The following MPDZ variants were observed in gnomAD, a reference collection of about 807,000 sequenced individuals.
MPDZ encodes multiple PDZ domain crumbs cell polarity complex component.
Under a neutral mutation model 239.1 loss-of-function variants are expected in MPDZ, and 234 were observed. The ratio of observed to expected loss-of-function variants is 0.98; its 90% CI spans 0.88 to 1.09. The LOEUF (loss-of-function observed/expected upper bound fraction) is 1.09, where lower values mean the gene tolerates loss of function less well. Ranked by LOEUF, MPDZ falls within the 50% of genes least tolerant of loss-of-function variation. The probability of loss-of-function intolerance (pLI) is 0.00; values close to 1 mark genes in which losing one functional copy is unlikely to be tolerated. For missense variants in MPDZ, 3,175 were observed against 2,510.0 expected (o/e 1.26, Z -5.66); for synonymous variants, 1,048 against 881.3 (o/e 1.19, Z -3.35).
intron 29 of MPDZ, among the ~76,000 whole-genome samples, chr9:13,137,527 T>G (rs1311308889): frequency 6.6e-6 from 1 of 152,168 alleles, no homozygotes; most frequent in Non-Finnish European, 1.5e-5. Context: ...GAGTTACTGC[T>G]TGTTCTTTAG....
rs549083691 is a variant in MPDZ at position 13,228,930 on chromosome 9, C to A, written c.184-4347G>T. Among the ~76,000 whole-genome samples, 13 of 152,118 alleles carry A rather than the reference C, an allele frequency of 8.5e-5. No homozygotes were observed. In the South Asian group the frequency reaches 2.7e-3, roughly 32 times the overall value. On this transcript the variant is annotated intron_variant, in intron 3 of 46. Transcript: ENST00000319217. ...TGCACATTTAGCTGGTACAAGCTAG[C>A]GAAGGACACAAACTAGAGCATCTCT...
intron 39 of MPDZ, among the ~76,000 whole-genome samples, chr9:13,117,372 A>T (rs778626351): frequency 1.1e-4 from 16 of 152,196 alleles, no homozygotes; most frequent in Non-Finnish European, 1.6e-4. Context: ...TCTACCAAAA[A>T]TACAAAAAAT....
Position 13,251,770 on chromosome 9 carries a change from A to G in MPDZ, c.-57-1398T>C, listed in dbSNP as rs547921444. 2.9e-4 allele frequency among the ~76,000 whole-genome samples: 44 copies of G among 152,336 alleles called. 1 individual carries two copies. The South Asian group carries it at 6.6e-3, about 23-fold the overall frequency. ...TGATAAGAGAGAACAGTACGTATTG[A>G]TTTGCCTTATCCCAATGTAGAATAT... On this transcript the variant is annotated intron_variant, in intron 1 of 46. Coordinates refer to ENST00000319217, the MANE Select transcript of MPDZ (RefSeq NM_001378778.1).
intron 10 of MPDZ, among the ~76,000 whole-genome samples, chr9:13,212,210 G>C (rs757234442): frequency 7.2e-5 from 11 of 151,942 alleles, no homozygotes; most frequent in Non-Finnish European, 1.2e-4. Context: ...TGAACTTGAT[G>C]ACTTGGATTT....
intron 10 of MPDZ, among the ~76,000 whole-genome samples, chr9:13,206,703 C>A (rs1311659156): frequency 6.6e-6 from 1 of 152,090 alleles, no homozygotes; most frequent in Non-Finnish European, 1.5e-5. Context: ...GCCACCATGC[C>A]CAGCTAATTT....
intron 18 of MPDZ, among the ~76,000 whole-genome samples, chr9:13,184,283 T>C (rs189198670): frequency 6.6e-6 from 1 of 152,156 alleles, no homozygotes; most frequent in Admixed American, 6.6e-5. Flanking sequence ...ATTTAAATTA[T>C]GATGAGCTTG....
intron 8 of MPDZ, 38 bp downstream of exon 8, chr9:13,219,521 T>A: frequency 6.4e-7 from 1 of 1,568,862 alleles, no homozygotes; most frequent in Non-Finnish European, 8.7e-7. Context: ...TAAGTGTTAT[T>A]TCTCTGACTT....
intron 3 of MPDZ, among the ~76,000 whole-genome samples, chr9:13,236,961 T>G (rs1384588406): frequency 6.6e-6 from 1 of 152,080 alleles, no homozygotes; most frequent in Non-Finnish European, 1.5e-5. Context: ...CTTATTATTG[T>G]TACTGGGTGG....
chr9:13,124,973 G>C (rs1182404414), intron 35 of MPDZ, among the ~76,000 whole-genome samples: 6 of 152,118 alleles, frequency 3.9e-5, no homozygotes, highest in Admixed American at 3.9e-4. Context: ...CTGAGGCTTT[G>C]AGTGGGTAGG....
chr9:13,259,585 G>C (rs1970215064), intron 1 of MPDZ, among the ~76,000 whole-genome samples: 1 of 152,126 alleles, frequency 6.6e-6, no homozygotes, highest in Non-Finnish European at 1.5e-5. Context: ...TGAGAAGTCA[G>C]GGAAACTTCC....
chr9:13,249,545 C>G (rs1967341780), intron 2 of MPDZ, among the ~76,000 whole-genome samples: 1 of 152,160 alleles, frequency 6.6e-6, no homozygotes, highest in Admixed American at 6.5e-5. Flanking sequence ...CTGTCACTGA[C>G]TGTCACTCTA....
At chr9:13,132,248 C>T (rs995881278) in intron 32 of MPDZ, among the ~76,000 whole-genome samples, 2 of 152,166 alleles carry the variant, frequency 1.3e-5, no homozygotes, top group African/African-American at 4.8e-5. Context: ...TGCTCATTAG[C>T]TCATCCAATC....
At chr9:13,267,322 T>C (rs529377176) in intron 1 of MPDZ, among the ~76,000 whole-genome samples, 1 of 152,200 alleles carries the variant, frequency 6.6e-6, no homozygotes, top group African/African-American at 2.4e-5. Context: ...AAAACCTATG[T>C]CCTTTACAAA....
chr9:13,110,564 T>C (rs1421870955), intron 44 of MPDZ, 72 bp downstream of exon 44: 13 of 976,508 alleles, frequency 1.3e-5, no homozygotes, highest in Non-Finnish European at 1.1e-5. Flanking sequence ...TCATTTTTAC[T>C]GCTTTAACAT....
rs767244737 is a variant in MPDZ at position 13,186,329 on chromosome 9, G to C, written c.2422C>G (p.His808Asp). Residue 808 changes from histidine to aspartate, a missense_variant, in exon 18 of 47, where the codon CAC becomes GAC. By Grantham distance (81) the His-to-Asp change is moderately conservative. Transcript: ENST00000319217. Reference protein sequence around the residue: ...AKEDSFLYPPHSCEEAGLADK... With the variant: ...AKEDSFLYPPDSCEEAGLADK... Reference sequence around the variant, plus strand: ...GCCAGCCCTGCTTCCTCACAGGAGTGTGGTGGGTAGAGAAAGGAATCCTCC... The same window carrying C: ...GCCAGCCCTGCTTCCTCACAGGAGTCTGGTGGGTAGAGAAAGGAATCCTCC... The C allele has an allele frequency of 6.3e-7, 1 of 1,595,680 alleles. No individual in the cohort carries two copies. The highest frequency in any genetic ancestry group is 8.5e-7 in the Non-Finnish European group (1 of 1,170,640).
chr9:13,201,597 T>C (rs1164518695), intron 12 of MPDZ, among the ~76,000 whole-genome samples: 4 of 151,998 alleles, frequency 2.6e-5, no homozygotes, highest in Non-Finnish European at 4.4e-5. Flanking sequence ...CTCATAGGTC[T>C]CCTTCACTCT....
intron 27 of MPDZ, among the ~76,000 whole-genome samples, chr9:13,141,817 G>A (rs944021132): frequency 3.3e-5 from 5 of 152,168 alleles, no homozygotes; most frequent in African/African-American, 1.2e-4. Context: ...AAGGGCGTAA[G>A]TGTCAGATTA....
At position 13,119,553 on chromosome 9, in the gene MPDZ, A is replaced by C; in HGVS notation, c.5328T>G (p.Asn1776Lys). 5.6e-6 allele frequency: 9 copies of C among 1,613,826 alleles called. No homozygotes were observed. Among genetic ancestry groups the C allele is most frequent in the Non-Finnish European group, 7.6e-6 (9 of 1,179,826 alleles). The change falls in exon 39 of 47, where the codon AAT becomes AAG. Residue 1776 changes from asparagine to lysine, a missense_variant. Coordinates refer to ENST00000319217, the MANE Select transcript of MPDZ (RefSeq NM_001378778.1). ...LMQGDQILMVNGEDVRNATQE... is the reference protein window; with the variant it reads ...LMQGDQILMVKGEDVRNATQE... ...GGGTGGCATTACGAACGTCTTCCCCATTCACCATTAATATCTGGTCTCCCT... is the reference window on the plus strand; with the variant it reads ...GGGTGGCATTACGAACGTCTTCCCCCTTCACCATTAATATCTGGTCTCCCT...
intron 12 of MPDZ, 48 bp downstream of exon 12, chr9:13,204,988 A>G: frequency 8.1e-7 from 1 of 1,231,070 alleles, no homozygotes; most frequent in Non-Finnish European, 1.1e-6. Flanking sequence ...ATCATTTCTA[A>G]AAAAGAAAAA....
Sources: gnomAD v4.1 joint callset for allele counts (sites outside exome capture counted in the v4.1 genomes callset) on GRCh38, gnomAD v4.1.1 for gene constraint, MANE v1.5 for transcripts, NCBI Gene and HGNC (gene_info 2026-07-23, HGNC 2026-07-21) for gene names.